Variants in VPS13B observed in about 807,000 individuals in gnomAD.
VPS13B encodes vacuolar protein sorting 13 homolog B, also known as intermembrane lipid transfer protein VPS13B.
VPS13B carries 285 observed loss-of-function variants against 426.4 expected under a neutral mutation model. The ratio of observed to expected loss-of-function variants is 0.67; its 90% CI spans 0.61 to 0.74. VPS13B has a LOEUF of 0.74. Ranked by LOEUF, VPS13B falls within the 30% of genes least tolerant of loss-of-function variation. The pLI, the probability that VPS13B is intolerant of heterozygous loss-of-function variation, is 0.00. For synonymous variants in VPS13B, 1,676 were observed against 1,676.4 expected (o/e 1.00, Z 0.01); for missense variants, 4,537 against 4,782.6 (o/e 0.95, Z 1.51).
intron 17 of VPS13B, among the ~76,000 whole-genome samples, chr8:99,201,701 T>A (rs1043633760): frequency 2.0e-5 from 3 of 152,186 alleles, no homozygotes; most frequent in Non-Finnish European, 4.4e-5. Flanking sequence ...AAATGTTATA[T>A]GCTAGTGCTT....
At chr8:99,118,234 T>A (rs1206195811) in intron 7 of VPS13B, among the ~76,000 whole-genome samples, 2 of 152,196 alleles carry the variant, frequency 1.3e-5, no homozygotes, top group African/African-American at 2.4e-5. Context: ...GATATTCTGT[T>A]ACAATTGCTT....
chr8:99,359,578 A>C (rs566526871), intron 19 of VPS13B, among the ~76,000 whole-genome samples: 2 of 152,232 alleles, frequency 1.3e-5, no homozygotes, highest in African/African-American at 4.8e-5. Context: ...AAAGGTACAA[A>C]TATCTTTAAA....
Position 99,745,829 on chromosome 8 carries a change from T to A in VPS13B, c.7051-20945T>A, listed in dbSNP as rs1810053781. Among the ~76,000 whole-genome samples the A allele has an allele frequency of 3.9e-5, 6 of 152,224 alleles. No individual in the cohort carries two copies. In the South Asian group the frequency reaches 1.2e-3, roughly 32 times the overall value. On this transcript the variant is annotated intron_variant, in intron 39 of 61. Transcript: ENST00000357162. Reference sequence around the variant, plus strand: ...TTTTTCTGGAATATTTTAAAAGAAGTCTCAGCTATATCATTTTATCCATAT... The same window carrying A: ...TTTTTCTGGAATATTTTAAAAGAAGACTCAGCTATATCATTTTATCCATAT...
intron 33 of VPS13B, 60 bp downstream of exon 33, chr8:99,577,693 T>C (rs950931985): frequency 1.0e-5 from 16 of 1,593,054 alleles, no homozygotes; most frequent in Non-Finnish European, 1.2e-5. Context: ...ACATTCACAG[T>C]AGGAAAACTA....
chr8:99,058,131 ACATGATT>A (rs1843981465), intron 3 of VPS13B, among the ~76,000 whole-genome samples: 1 of 152,042 alleles, frequency 6.6e-6, no homozygotes, highest in African/African-American at 2.4e-5. Flanking sequence ...TAATACTAAG[ACATGATT>A]CATGATTTAC....
At position 99,589,198 on chromosome 8, in the gene VPS13B, T is replaced by C. The variant is rs1340951841; in HGVS notation, c.5220+11565T>C. Among the ~76,000 whole-genome samples the C allele has an allele frequency of 3.3e-5, 5 of 151,614 alleles. No individual in the cohort carries two copies. In the East Asian group the frequency reaches 9.6e-4, roughly 29 times the overall value. On this transcript the variant is annotated intron_variant, in intron 33 of 61. Transcript: ENST00000357162. Reference sequence around the variant, plus strand: ...TTTGATGTGCTGCTGGATTTGATTTTCCAGTATTTTTTTATTATTATTATA... The same window carrying C: ...TTTGATGTGCTGCTGGATTTGATTTCCCAGTATTTTTTTATTATTATTATA...
chr8:99,715,868 G>A (rs1450503923), intron 36 of VPS13B, among the ~76,000 whole-genome samples: 4 of 152,128 alleles, frequency 2.6e-5, no homozygotes, highest in Non-Finnish European at 5.9e-5. Flanking sequence ...TTTTAGAAAT[G>A]TAATGCTGTT....
chr8:99,545,287 A>G (rs950069791), intron 30 of VPS13B, among the ~76,000 whole-genome samples: 12 of 152,090 alleles, frequency 7.9e-5, no homozygotes, highest in Admixed American at 5.2e-4. Flanking sequence ...ATTCTTCAAC[A>G]TTCTCCTTGT....
At chr8:99,423,096 T>C (rs1176488397) in intron 21 of VPS13B, among the ~76,000 whole-genome samples, 2 of 152,200 alleles carry the variant, frequency 1.3e-5, no homozygotes, top group Non-Finnish European at 2.9e-5. Flanking sequence ...TAGCATTTTC[T>C]TTCCTCTCGT....
chr8:99,357,778 G>T (rs1386218841), intron 19 of VPS13B, among the ~76,000 whole-genome samples: 1 of 152,050 alleles, frequency 6.6e-6, no homozygotes, highest in African/African-American at 2.4e-5. Flanking sequence ...GTTGCTGTGT[G>T]GATTAAATGA....
intron 51 of VPS13B, among the ~76,000 whole-genome samples, chr8:99,828,364 G>GAGACTAGGAT (rs1485779536): frequency 1.6e-5 from 1 of 62,790 alleles, no homozygotes; most frequent in Admixed American, 1.7e-4. Flanking sequence ...TTTAAAGTCT[G>GAGACTAGGAT]TTTTATCAGA....
intron 16 of VPS13B, among the ~76,000 whole-genome samples, chr8:99,181,325 C>T (rs928836185): frequency 6.6e-6 from 1 of 152,104 alleles, no homozygotes; most frequent in Non-Finnish European, 1.5e-5. Flanking sequence ...AAAAAATATG[C>T]TTGCACAGGT....
chr8:99,249,719 G>A (rs1487362838), intron 17 of VPS13B, among the ~76,000 whole-genome samples: 1 of 152,092 alleles, frequency 6.6e-6, no homozygotes, highest in African/African-American at 2.4e-5. Context: ...CACCGCGCCC[G>A]GCCTGAATGT....
intron 17 of VPS13B, among the ~76,000 whole-genome samples, chr8:99,237,898 G>A (rs953718750): frequency 7.3e-5 from 11 of 150,000 alleles, no homozygotes; most frequent in African/African-American, 2.5e-4. Context: ...ATTAAGAATG[G>A]CAAACTCCTT....
At chr8:99,100,273 T>C (rs1349297616) in intron 4 of VPS13B, among the ~76,000 whole-genome samples, 1 of 151,964 alleles carries the variant, frequency 6.6e-6, no homozygotes, top group Non-Finnish European at 1.5e-5. Flanking sequence ...AGTTTTATAA[T>C]ACAAAATGGA....
chr8:99,616,505 G>C (rs1254377364), intron 33 of VPS13B, among the ~76,000 whole-genome samples: 2 of 152,166 alleles, frequency 1.3e-5, no homozygotes, highest in Non-Finnish European at 2.9e-5. Context: ...TATGGAGAAA[G>C]GGAAATGATG....
At chr8:99,339,171 T>C (rs1811094069) in intron 19 of VPS13B, among the ~76,000 whole-genome samples, 1 of 152,210 alleles carries the variant, frequency 6.6e-6, no homozygotes, top group Non-Finnish European at 1.5e-5. Flanking sequence ...ATTTGTATTC[T>C]TTTGAACATT....
Position 99,871,671 on chromosome 8 carries a change from C to T in VPS13B, c.11719C>T (p.Gln3907Ter). The change falls in exon 61 of 62, where the codon CAG becomes TAG. Residue 3907 changes from glutamine (Q) to a stop codon, truncating the protein, a stop_gained. Coordinates refer to ENST00000357162, the MANE Select transcript of VPS13B (RefSeq NM_152564.5). LOFTEE classifies it high-confidence loss of function. ...QNNLLTVQLK[Q>*]PRVACDVEVD... The stretch of plus-strand genomic sequence containing the variant: ...CAACTTACTCACAGTGCAGCTCAAG[C>T]AGCCAAGAGTGGCCTGTGATGTGGA... 1 of 1,614,014 alleles carries T rather than the reference C, an allele frequency of 6.2e-7. No homozygotes were observed. Among genetic ancestry groups the T allele is most frequent in the Non-Finnish European group, 8.5e-7 (1 of 1,180,040 alleles).
intron 17 of VPS13B, among the ~76,000 whole-genome samples, chr8:99,258,943 C>G (rs1404964256): frequency 2.0e-5 from 3 of 151,838 alleles, no homozygotes; most frequent in African/African-American, 4.8e-5. Context: ...AGTAAACTCC[C>G]TTATTAATTT....
Sources: allele counts gnomAD v4.1 joint callset (sites outside exome capture counted in the v4.1 genomes callset), GRCh38; gene constraint gnomAD v4.1.1; transcripts MANE v1.5; gene names NCBI Gene and HGNC (gene_info 2026-07-23, HGNC 2026-07-21).